Variants in NTM observed in about 807,000 individuals in gnomAD.
The protein encoded by NTM is IgLON family member 2.
Under a neutral mutation model 42.1 loss-of-function variants are expected in NTM, and 13 were observed. The ratio of observed to expected loss-of-function variants is 0.31; its 90% CI spans 0.20 to 0.49. NTM has a LOEUF of 0.49. Among genes scored for constraint, NTM ranks in the 20% least tolerant of loss-of-function variants. NTM has a pLI of 0.99. For missense variants in NTM, 373 were observed against 452.8 expected (o/e 0.82, Z 1.60); for synonymous variants, 187 against 179.2 (o/e 1.04, Z -0.35).
chr11:132,037,580 G>A (rs566008189), intron 2 of NTM, among the ~76,000 whole-genome samples: 1 of 152,214 alleles, frequency 6.6e-6, no homozygotes, highest in East Asian at 1.9e-4. Context: ...CATTAAGGCT[G>A]AAAAACAGAG....
chr11:131,577,274 G>T (rs1592103728), intron 1 of NTM, among the ~76,000 whole-genome samples: 3 of 152,294 alleles, frequency 2.0e-5, no homozygotes, highest in Non-Finnish European at 4.4e-5. Context: ...CATCCTCTGA[G>T]CAGATAGCTT....
chr11:132,058,490 C>T lies in NTM; in HGVS notation c.168-87792C>T, dbSNP rs112599525. On this transcript the variant is annotated intron_variant, in intron 2 of 8. Transcript: ENST00000683400. ...TTAGCCTTTCTGACTTCTCCCACTG[C>T]AATGAGATGACTAATGCTGTGTTGC... 7.2e-5 allele frequency among the ~76,000 whole-genome samples: 11 copies of T among 152,310 alleles called. 1 individual carries two copies. Among genetic ancestry groups the T allele is most frequent in the African/African-American group, 2.6e-4 (11 of 41,556 alleles).
At chr11:131,613,775 C>A (rs2061659776) in intron 1 of NTM, among the ~76,000 whole-genome samples, 1 of 152,066 alleles carries the variant, frequency 6.6e-6, no homozygotes, top group South Asian at 2.1e-4. Flanking sequence ...TAGCCCAAAG[C>A]CACACAGCCC....
intron 1 of NTM, among the ~76,000 whole-genome samples, chr11:131,526,979 C>G (rs980345320): frequency 6.6e-6 from 1 of 152,164 alleles, no homozygotes; most frequent in Non-Finnish European, 1.5e-5. Flanking sequence ...CTCATACTGT[C>G]CCCCCATGTT....
chr11:132,239,551 G>A (rs906649806), intron 4 of NTM, among the ~76,000 whole-genome samples: 1 of 152,148 alleles, frequency 6.6e-6, no homozygotes, highest in African/African-American at 2.4e-5. Context: ...GCATTTTACT[G>A]AGAGAGACAG....
chr11:131,429,105 T>C (rs1948444461), intron 1 of NTM, among the ~76,000 whole-genome samples: 1 of 151,974 alleles, frequency 6.6e-6, no homozygotes, highest in Non-Finnish European at 1.5e-5. Context: ...TAAAAGTATA[T>C]ATGGTTCTAC....
At chr11:131,676,914 A>G (rs2695811) in intron 1 of NTM, among the ~76,000 whole-genome samples, 104,818 of 152,136 alleles carry the variant, frequency 0.69, 37,106 homozygotes, top group Non-Finnish European at 0.76. Context: ...GGACCTGTCC[A>G]CTTAGCTGCG....
intron 2 of NTM, among the ~76,000 whole-genome samples, chr11:132,033,818 G>A (rs2076203059): frequency 6.6e-6 from 1 of 152,124 alleles, no homozygotes; most frequent in Non-Finnish European, 1.5e-5. Flanking sequence ...CTGGATTACG[G>A]GATTTGTTTT....
chr11:132,099,237 T>C (rs543516270), intron 2 of NTM, among the ~76,000 whole-genome samples: 66 of 152,252 alleles, frequency 4.3e-4, no homozygotes, highest in Non-Finnish European at 8.1e-4. Flanking sequence ...GGTAGTTGGC[T>C]CCAGGTTGAT....
At chr11:131,493,767 G>T (rs1591823069) in intron 1 of NTM, among the ~76,000 whole-genome samples, 2 of 152,106 alleles carry the variant, frequency 1.3e-5, no homozygotes, top group African/African-American at 2.4e-5. Context: ...GAAACTTTTT[G>T]CTACACTGTA....
chr11:131,533,099 C>G (rs903190705), intron 1 of NTM, among the ~76,000 whole-genome samples: 11 of 152,090 alleles, frequency 7.2e-5, no homozygotes, highest in East Asian at 1.9e-4. Context: ...TGTTGTTGTT[C>G]TTGTTCTTGT....
chr11:132,028,185 A>T (rs2075435424), intron 2 of NTM, among the ~76,000 whole-genome samples: 1 of 150,296 alleles, frequency 6.7e-6, no homozygotes, highest in Non-Finnish European at 1.5e-5. Flanking sequence ...CAATCTGATA[A>T]TTCCAACATC....
intron 1 of NTM, among the ~76,000 whole-genome samples, chr11:131,877,156 G>A (rs917315735): frequency 6.6e-6 from 1 of 152,178 alleles, no homozygotes; most frequent in Admixed American, 6.5e-5. Context: ...ACTGCGCCAG[G>A]CCCCAAGGCA....
chr11:132,291,802 GA>G (rs1288223991), intron 4 of NTM, among the ~76,000 whole-genome samples: 1 of 152,204 alleles, frequency 6.6e-6, no homozygotes. Flanking sequence ...AGTCTTTTAA[GA>G]AAATGCTAAG....
At chr11:131,632,759 C>T (rs564360012) in intron 1 of NTM, among the ~76,000 whole-genome samples, 98 of 136,622 alleles carry the variant, frequency 7.2e-4, no homozygotes, top group South Asian at 1.2e-3. Context: ...ACTGCAAGCT[C>T]CGCCTCCCGG....
intron 2 of NTM, among the ~76,000 whole-genome samples, chr11:131,995,617 G>A (rs1309317230): frequency 6.6e-6 from 1 of 152,090 alleles, no homozygotes; most frequent in African/African-American, 2.4e-5. Flanking sequence ...GAGGAGACTG[G>A]TGCTCAGCAG....
chr11:132,251,450 G>T (rs556062146), intron 4 of NTM, among the ~76,000 whole-genome samples: 3 of 152,286 alleles, frequency 2.0e-5, no homozygotes, highest in Admixed American at 2.0e-4. Context: ...TTCAAAGGGA[G>T]GGTAGCCTGA....
In NTM at chr11:132,064,345, A is replaced by C. The variant is rs1462305789; in HGVS notation, c.168-81937A>C. Among the ~76,000 whole-genome samples the C allele has an allele frequency of 2.6e-5, 4 of 152,230 alleles. No homozygotes were observed. In the East Asian group the frequency reaches 7.7e-4, roughly 29 times the overall value. The stretch of plus-strand genomic sequence containing the variant: ...TCTATCCTAACAACTGCAATTTAGC[A>C]AAGTTACATATATATATGTGTATTT... On this transcript the variant is annotated intron_variant, in intron 2 of 8. Coordinates refer to ENST00000683400, the MANE Select transcript of NTM (RefSeq NM_001352005.2).
At chr11:131,875,597 G>T (rs2048417942) in intron 1 of NTM, among the ~76,000 whole-genome samples, 1 of 152,236 alleles carries the variant, frequency 6.6e-6, no homozygotes, top group Admixed American at 6.5e-5. Context: ...GACGCCTTTT[G>T]TAGCATTGTG....
Sources: gnomAD v4.1 joint callset for allele counts (sites outside exome capture counted in the v4.1 genomes callset) on GRCh38, gnomAD v4.1.1 for gene constraint, MANE v1.5 for transcripts, NCBI Gene and HGNC (gene_info 2026-07-23, HGNC 2026-07-21) for gene names.